The following CCDC144A variants were observed in gnomAD, a reference collection of about 807,000 sequenced individuals.
CCDC144A encodes coiled-coil domain-containing protein 144A.
In CCDC144A, 41 loss-of-function variants were observed where a neutral mutation model predicts 143.8. The observed-to-expected ratio is 0.29, with a 90% CI of 0.22 to 0.37. The LOEUF is 0.37. Among genes scored for constraint, CCDC144A ranks in the 10% least tolerant of loss-of-function variants. The pLI, the probability that CCDC144A is intolerant of heterozygous loss-of-function variation, is 1.00. For missense variants in CCDC144A, 637 were observed against 1,488.8 expected, an observed-to-expected ratio of 0.43 and a Z score of 9.41; for synonymous variants, 242 against 517.9, an observed-to-expected ratio of 0.47 and a Z score of 7.23.
At chr17:16,766,863 T>A (rs1915619880) in intron 15 of CCDC144A, among the ~76,000 whole-genome samples, 1 of 152,220 alleles carries the variant, frequency 6.6e-6, no homozygotes, top group Non-Finnish European at 1.5e-5. Flanking sequence ...TTTTTAGTAT[T>A]TCTAGATAAG....
rs182900544 is a variant in CCDC144A at position 16,708,179 on chromosome 17, G to A, written c.739-617G>A. The stretch of plus-strand genomic sequence containing the variant: ...AAAGTTTTAGTAAGTGTTATTAGGG[G>A]ACCATAGTATATATTAGAACAGAAC... On this transcript the variant is annotated intron_variant, in intron 4 of 16. Transcript: ENST00000399273. Among the ~76,000 whole-genome samples, 224 of 152,192 alleles carry A rather than the reference G, an allele frequency of 1.5e-3. 1 individual carries two copies. The highest frequency in any genetic ancestry group is 5.1e-3 in the African/African-American group (213 of 41,538).
At chr17:16,703,861 CT>C (rs1911887840) in intron 2 of CCDC144A, among the ~76,000 whole-genome samples, 1 of 152,140 alleles carries the variant, frequency 6.6e-6, no homozygotes, top group Admixed American at 6.5e-5. Context: ...TTCCAATAGC[CT>C]TTAGAACTAT....
rs1210697273 is a variant in CCDC144A, at chr17:16,711,136, G to GAAAAAAAAA, written c.1579-529_1579-521dup. Among the ~76,000 whole-genome samples, 152 of 21,706 alleles carry GAAAAAAAAA rather than the reference G, an allele frequency of 7.0e-3. 4 individuals carry two copies. The highest frequency in any genetic ancestry group is 0.011 in the Non-Finnish European group (127 of 11,532). The allele number at this position is 21,706 out of a possible 152,430, so 14.2% of individuals were successfully genotyped here. ...CTTTTTGATATCCCAGGATTCAAATGAAAAAAAAAAAAAAAAAAAAAACAA... is the reference window on the plus strand; with the variant it reads ...CTTTTTGATATCCCAGGATTCAAATGAAAAAAAAAAAAAAAAAAAAAAAAAAAAAAACAA... On this transcript the variant is annotated intron_variant, in intron 5 of 16. Transcript: ENST00000399273.
chr17:16,700,029 A>T (rs948530727), intron 2 of CCDC144A, among the ~76,000 whole-genome samples: 6 of 152,340 alleles, frequency 3.9e-5, no homozygotes, highest in African/African-American at 1.4e-4. Flanking sequence ...ATGCAATTGT[A>T]TCAGGGGTTC....
At chr17:16,727,811 T>G in intron 9 of CCDC144A, 71 bp downstream of exon 9, 2 of 1,476,782 alleles carry the variant, frequency 1.4e-6, no homozygotes, top group Non-Finnish European at 1.8e-6. Flanking sequence ...AACTGCTGAC[T>G]TACCTTCTGC....
intron 15 of CCDC144A, among the ~76,000 whole-genome samples, chr17:16,766,860 TA>T (rs1915619604): frequency 6.6e-6 from 1 of 152,224 alleles, no homozygotes; most frequent in Non-Finnish European, 1.5e-5. Flanking sequence ...CATTTTTTAG[TA>T]TTTCTAGATA....
chr17:16,673,147 A>C, the CCDC144A span, among the ~76,000 whole-genome samples: 2 of 151,856 alleles, frequency 1.3e-5, no homozygotes. Context: ...TTCTTTTTTT[A>C]CTGAGACTTC....
Position 16,759,913 on chromosome 17 carries a change from T to C in CCDC144A, c.3373-1512T>C, listed in dbSNP as rs3869486. ...AGGCTCAGTGGGGCCAACTCCCTTT[T>C]TCTTTACTTGGCATCAGCTGAGGTG... On this transcript the variant is annotated intron_variant, in intron 12 of 16. Transcript: ENST00000399273. 7.7e-3 allele frequency among the ~76,000 whole-genome samples: 1,161 copies of C among 151,196 alleles called. 15 individuals carry two copies. The highest frequency in any genetic ancestry group is 0.027 in the African/African-American group (1,087 of 40,496).
At chr17:16,767,424 A>G (rs1468123298) in intron 15 of CCDC144A, 2 of 151,786 alleles carry the variant, frequency 1.3e-5, no homozygotes, top group Non-Finnish European at 2.9e-5. Context: ...GTTGCTAGGA[A>G]CTTAAGTATT....
the CCDC144A span, among the ~76,000 whole-genome samples, chr17:16,671,276 C>T: frequency 1.3e-5 from 2 of 152,008 alleles, no homozygotes; most frequent in Admixed American, 6.6e-5. Flanking sequence ...AGCAACCATG[C>T]CTGGCCTATC....
At chr17:16,722,441 A>C (rs3114301) in intron 8 of CCDC144A, among the ~76,000 whole-genome samples, 1 of 151,696 alleles carries the variant, frequency 6.6e-6, no homozygotes, top group South Asian at 2.1e-4. Context: ...GCCCCCACAC[A>C]TGCATAGCCT....
In CCDC144A at chr17:16,708,575, C is replaced by A. The variant is rs879215174; in HGVS notation, c.739-221C>A. ...ATTTTTCTCCTCCTTTCAGCTAAGA[C>A]AATTTTTTTTTAACTTCTTAGTTAC... On this transcript the variant is annotated intron_variant, in intron 4 of 16. Transcript: ENST00000399273. 1.3e-5 allele frequency: 8 copies of A among 593,238 alleles called. No individual in the cohort carries two copies. The South Asian group carries it at 1.4e-4, about 11-fold the overall frequency. 36.7% of individuals were successfully genotyped at this position (593,238 alleles called of 1,614,324 possible).
rs1226937056 is a variant in CCDC144A, at chr17:16,776,743, T to C, written c.*3110T>C. 6.6e-6 allele frequency: 1 copy of C among 151,954 alleles called. No homozygotes were observed. The highest frequency in any genetic ancestry group is 2.4e-5 in the African/African-American group (1 of 41,328). The allele number at this position is 151,954 out of a possible 1,614,324, so 9.4% of individuals were successfully genotyped here. A position where few individuals can be genotyped will look rare whatever the true frequency, so the allele number is the denominator to read the frequency against. ...TGAGAATTTCTAATACTGTGTTGAA[T>C]AGGAGTGGTGAGAGAGGGCATCTTT... is the stretch of plus-strand genomic sequence containing the variant. On this transcript the variant is annotated 3_prime_UTR_variant, in exon 17 of 17. Transcript: ENST00000399273.
chr17:16,724,434 C>T (rs1362379189), intron 8 of CCDC144A, among the ~76,000 whole-genome samples: 5 of 149,298 alleles, frequency 3.3e-5, no homozygotes, highest in African/African-American at 7.4e-5. Context: ...GGCGTGAACC[C>T]GGGAGGCGGA....
chr17:16,757,950 C>T (rs1271370022), intron 12 of CCDC144A, among the ~76,000 whole-genome samples: 1 of 152,172 alleles, frequency 6.6e-6, no homozygotes, highest in Admixed American at 6.5e-5. Context: ...GTTCCCTTTC[C>T]TTCTGTCATC....
At chr17:16,692,086 A>G (rs535299412) in intron 1 of CCDC144A, among the ~76,000 whole-genome samples, 1 of 152,282 alleles carries the variant, frequency 6.6e-6, no homozygotes, top group African/African-American at 2.4e-5. Flanking sequence ...TATTGTCAGT[A>G]TGTATCTCAG....
At chr17:16,696,241 C>T (rs991107740) in intron 2 of CCDC144A, among the ~76,000 whole-genome samples, 2 of 151,784 alleles carry the variant, frequency 1.3e-5, no homozygotes, top group African/African-American at 4.9e-5. Flanking sequence ...TCTCAAACTC[C>T]TGACCTCAAG....
the CCDC144A span, among the ~76,000 whole-genome samples, chr17:16,676,484 C>T: frequency 6.7e-6 from 1 of 149,306 alleles, no homozygotes; most frequent in Non-Finnish European, 1.5e-5. Context: ...GCACTCCAGC[C>T]TGGGTGACAG....
chr17:16,721,125 G>A (rs1476830057), intron 8 of CCDC144A, among the ~76,000 whole-genome samples: 3 of 151,882 alleles, frequency 2.0e-5, no homozygotes, highest in Non-Finnish European at 4.4e-5. Flanking sequence ...ATCCTGCATC[G>A]TTTTTACTCT....
Sources: allele counts gnomAD v4.1 joint callset (sites outside exome capture counted in the v4.1 genomes callset), GRCh38; gene constraint gnomAD v4.1.1; transcripts MANE v1.5; gene names NCBI Gene and HGNC (gene_info 2026-07-23, HGNC 2026-07-21).